The following OPCML variants were observed in gnomAD, a reference collection of about 807,000 sequenced individuals.
OPCML encodes opioid binding protein/cell adhesion molecule like.
In OPCML, 13 loss-of-function variants were observed where a neutral mutation model predicts 37.8. The observed-to-expected ratio is 0.34, with a 90% CI of 0.22 to 0.55. The LOEUF (loss-of-function observed/expected upper bound fraction) is 0.55. Among genes scored for constraint, OPCML ranks in the 20% least tolerant of loss-of-function variants. OPCML has a pLI of 0.91. For missense variants in OPCML, 341 were observed against 435.6 expected, an observed-to-expected ratio of 0.78 and a Z score of 1.93; for synonymous variants, 176 against 168.8, an observed-to-expected ratio of 1.04 and a Z score of -0.33.
intron 2 of OPCML, among the ~76,000 whole-genome samples, chr11:132,914,129 C>G (rs550770883): frequency 1.4e-3 from 209 of 152,358 alleles, no homozygotes; most frequent in African/African-American, 4.8e-3. Context: ...ACACCCCTGG[C>G]AATGTGCTGA....
At chr11:133,424,458 A>C (rs1002486742) in intron 1 of OPCML, among the ~76,000 whole-genome samples, 1 of 152,206 alleles carries the variant, frequency 6.6e-6, no homozygotes, top group African/African-American at 2.4e-5. Flanking sequence ...TCATTCAGGC[A>C]TAGGTACTAT....
chr11:132,605,741 C>T (rs1938249053), intron 3 of OPCML, among the ~76,000 whole-genome samples: 1 of 152,180 alleles, frequency 6.6e-6, no homozygotes, highest in South Asian at 2.1e-4. Context: ...AAGAATGTCT[C>T]CTATCCTAAA....
At chr11:132,738,120 A>G (rs1172868061) in intron 2 of OPCML, among the ~76,000 whole-genome samples, 2 of 152,200 alleles carry the variant, frequency 1.3e-5, no homozygotes, top group Non-Finnish European at 2.9e-5. Context: ...GAATTGCGCT[A>G]GAGTGGGAAG....
chr11:132,856,380 A>ACTTACTACTACTTACT (rs1353767794), intron 2 of OPCML, among the ~76,000 whole-genome samples: 1 of 152,192 alleles, frequency 6.6e-6, no homozygotes, highest in Non-Finnish European at 1.5e-5. Context: ...TGATTGTGTT[A>ACTTACTACTACTTACT]GGGTAAGTAG....
At chr11:133,070,211 C>T (rs1948502451) in intron 1 of OPCML, among the ~76,000 whole-genome samples, 1 of 152,164 alleles carries the variant, frequency 6.6e-6, no homozygotes, top group Non-Finnish European at 1.5e-5. Context: ...GGCAGCTTCT[C>T]AACAACATGC....
intron 4 of OPCML, among the ~76,000 whole-genome samples, chr11:132,473,875 G>T (rs576561987): frequency 1.4e-4 from 22 of 152,164 alleles, no homozygotes; most frequent in African/African-American, 4.8e-4. Context: ...TTTACATAAG[G>T]CCCAAAAGTC....
intron 3 of OPCML, among the ~76,000 whole-genome samples, chr11:132,638,263 A>G (rs1036354500): frequency 6.6e-6 from 1 of 151,250 alleles, no homozygotes; most frequent in Non-Finnish European, 1.5e-5. Context: ...TAATTAATAT[A>G]TTAATATAGA....
intron 1 of OPCML, among the ~76,000 whole-genome samples, chr11:133,131,722 C>A (rs996363804): frequency 1.3e-5 from 2 of 152,180 alleles, no homozygotes; most frequent in Admixed American, 1.3e-4. Context: ...TGAATGTTTG[C>A]ATATATTTAA....
intron 4 of OPCML, among the ~76,000 whole-genome samples, chr11:132,465,183 G>A (rs1220115231): frequency 6.6e-6 from 1 of 151,964 alleles, no homozygotes; most frequent in African/African-American, 2.4e-5. Flanking sequence ...TTAGCACATT[G>A]CCATGATCGT....
intron 2 of OPCML, among the ~76,000 whole-genome samples, chr11:132,735,511 G>A (rs1230610591): frequency 6.6e-6 from 1 of 152,056 alleles, no homozygotes; most frequent in Non-Finnish European, 1.5e-5. Context: ...TCTTGAGACA[G>A]AGTCTCACTC....
intron 1 of OPCML, among the ~76,000 whole-genome samples, chr11:133,103,166 C>T (rs186287847): frequency 6.6e-6 from 1 of 152,296 alleles, no homozygotes; most frequent in Admixed American, 6.5e-5. Flanking sequence ...ACATTTTTAA[C>T]TTACGCATTT....
At chr11:132,589,380 T>G (rs2096480413) in intron 3 of OPCML, among the ~76,000 whole-genome samples, 1 of 152,238 alleles carries the variant, frequency 6.6e-6, no homozygotes, top group African/African-American at 2.4e-5. Context: ...AAATGTTTAT[T>G]TACTGTTTAT....
At chr11:133,114,646 A>G (rs1592014769) in intron 1 of OPCML, among the ~76,000 whole-genome samples, 1 of 152,084 alleles carries the variant, frequency 6.6e-6, no homozygotes, top group Non-Finnish European at 1.5e-5. Context: ...CCCCTATCCA[A>G]TGCCTCTTTT....
intron 4 of OPCML, among the ~76,000 whole-genome samples, chr11:132,470,560 G>T (rs1042090584): frequency 1.3e-5 from 2 of 152,190 alleles, no homozygotes; most frequent in African/African-American, 2.4e-5. Context: ...GAGCATGAAC[G>T]CATGAATGTG....
intron 1 of OPCML, among the ~76,000 whole-genome samples, chr11:133,176,666 T>C (rs1001685077): frequency 3.9e-5 from 6 of 152,174 alleles, no homozygotes; most frequent in Admixed American, 3.9e-4. Flanking sequence ...GCTAAGATTA[T>C]AAGCTTCCTG....
chr11:133,317,289 C>A (rs1226416709), intron 1 of OPCML, among the ~76,000 whole-genome samples: 2 of 152,172 alleles, frequency 1.3e-5, no homozygotes, highest in African/African-American at 4.8e-5. Context: ...GAAAAAAATA[C>A]TTCTGGTTAA....
intron 3 of OPCML, among the ~76,000 whole-genome samples, chr11:132,626,395 G>C (rs1441793615): frequency 6.6e-6 from 1 of 152,020 alleles, no homozygotes; most frequent in Non-Finnish European, 1.5e-5. Context: ...AAAAGAAAAA[G>C]TAAGATACTA....
intron 4 of OPCML, among the ~76,000 whole-genome samples, chr11:132,483,604 G>A (rs149316867): frequency 0.2 from 30,570 of 152,022 alleles, 3,333 homozygotes; most frequent in East Asian, 0.36. Context: ...AGCCCGCATC[G>A]CCAAGTCAGT....
At chr11:132,734,418 TATGA>T (rs1160644492) in intron 2 of OPCML, among the ~76,000 whole-genome samples, 3 of 152,172 alleles carry the variant, frequency 2.0e-5, no homozygotes, top group Admixed American at 2.0e-4. Flanking sequence ...GACACCACTT[TATGA>T]AATCATTCAA....
Sources: allele counts gnomAD v4.1 joint callset (sites outside exome capture counted in the v4.1 genomes callset), GRCh38; gene constraint gnomAD v4.1.1; transcripts MANE v1.5; gene names NCBI Gene and HGNC (gene_info 2026-07-23, HGNC 2026-07-21).